The following DPP8 variants were observed in gnomAD, a reference collection of about 807,000 sequenced individuals.
DPP8 encodes dipeptidyl peptidase 8, also known as DPP VIII.
DPP8 carries 31 observed loss-of-function variants against 107.5 expected under a neutral mutation model. The observed-to-expected ratio is 0.29, with a 90% CI of 0.22 to 0.39. DPP8 has a LOEUF of 0.39. Among genes scored for constraint, DPP8 ranks in the 10% least tolerant of loss-of-function variants. The pLI is 1.00. For missense variants in DPP8, 842 were observed against 1,076.1 expected (o/e 0.78, Z 3.04); for synonymous variants, 381 against 356.6 (o/e 1.07, Z -0.77).
chr15:65,512,630 G>C lies in DPP8; in HGVS notation c.-11-66C>G, dbSNP rs531023095. 3 of 1,554,100 alleles carry C rather than the reference G, an allele frequency of 1.9e-6. No homozygotes were observed. In the African/African-American group the frequency reaches 4.1e-5, roughly 21 times the overall value. ...TTCTATTATCAGAATGATTCTCTGA[G>C]AGGGTCAAAAAAAAAGCGGGGGAGT... On this transcript the variant is annotated intron_variant, in intron 1 of 19. Transcript: ENST00000300141.
Position 65,478,967 on chromosome 15 carries a change from T to G in DPP8, c.1369A>C (p.Lys457Gln). 6.3e-7 allele frequency: 1 copy of G among 1,595,912 alleles called. No individual in the cohort carries two copies. The highest frequency in any genetic ancestry group is 2.3e-5 in the East Asian group (1 of 43,726). The stretch of plus-strand genomic sequence containing the variant: ...TTGTATAAATGACGGAAACCTGTTT[T>G]GCATTCAGAGGCAAAAATAAACTCA... ...EIEFIFASEC[K>Q]TGFRHLYKIT... Residue 457 changes from lysine to glutamine, a missense_variant, in exon 11 of 20, where the codon AAA (lysine) becomes CAA (glutamine). Coordinates refer to ENST00000300141, the MANE Select transcript of DPP8 (RefSeq NM_130434.5).
chr15:65,476,556 T>C (rs749898541), intron 11 of DPP8, among the ~76,000 whole-genome samples: 15 of 152,154 alleles, frequency 9.9e-5, no homozygotes, highest in Non-Finnish European at 2.1e-4. Context: ...GCACTGTTAG[T>C]GGGAATGTAA....
chr15:65,446,695 TGTGGGGTTAAGGTATTA>T lies in DPP8; in HGVS notation c.*172_*188del, dbSNP rs1373938428. The T allele has an allele frequency of 1.0e-5, 3 of 300,732 alleles. No homozygotes were observed. Among genetic ancestry groups the T allele is most frequent in the Non-Finnish European group, 1.8e-5 (3 of 166,498 alleles). The allele number at this position is 300,732 out of a possible 1,614,324, so 18.6% of individuals were successfully genotyped here. A position where few individuals can be genotyped will look rare whatever the true frequency, so the allele number is the denominator to read the frequency against. The stretch of plus-strand genomic sequence containing the variant: ...AATATGTATCATTTGATTTTGAGCA[TGTGGGGTTAAGGTATTA>T]GATTACTACCACAAACCGTAGACCC... On this transcript the variant is annotated 3_prime_UTR_variant, in exon 20 of 20. Coordinates refer to ENST00000300141, the MANE Select transcript of DPP8 (RefSeq NM_130434.5).
intron 4 of DPP8, among the ~76,000 whole-genome samples, chr15:65,499,032 T>C (rs1388846857): frequency 6.6e-6 from 1 of 150,736 alleles, no homozygotes; most frequent in Non-Finnish European, 1.5e-5. Flanking sequence ...CACTCCAGCC[T>C]GGATGACAGC....
At chr15:65,455,641 CA>C (rs1284516430) in intron 16 of DPP8, 1 of 1,175,486 alleles carries the variant, frequency 8.5e-7, no homozygotes, top group African/African-American at 1.6e-5. Flanking sequence ...AAAATAAAAA[CA>C]AAAAAACTTA....
At chr15:65,506,861 C>T (rs974006296) in intron 3 of DPP8, among the ~76,000 whole-genome samples, 12 of 151,516 alleles carry the variant, frequency 7.9e-5, no homozygotes, top group African/African-American at 2.9e-4. Flanking sequence ...TAAAACTGAA[C>T]TTTGTACCTT....
Position 65,485,122 on chromosome 15 carries a change from T to C in DPP8, c.994A>G (p.Ile332Val). Residue 332 changes from isoleucine to valine, a missense_variant, in exon 8 of 20, where the codon ATA becomes GTA. This residue lies in a region of DPP8 where 663 missense variants were observed against 758.0 expected (regional missense o/e 0.87). Transcript: ENST00000300141. ...ACCCTTCCTTCAGCATCAATCATTA[T>C]TTCTGACATCTTAAAAGTGACTTTA... is the stretch of plus-strand genomic sequence containing the variant. ...NPKVTFKMSE[I>V]MIDAEGRIID... 3 of 1,610,948 alleles carry C rather than the reference T, an allele frequency of 1.9e-6. No individual in the cohort carries two copies. Among genetic ancestry groups the C allele is most frequent in the Non-Finnish European group, 2.5e-6 (3 of 1,177,092 alleles).
intron 3 of DPP8, among the ~76,000 whole-genome samples, chr15:65,503,184 C>T (rs576735451): frequency 1.1e-4 from 16 of 152,132 alleles, no homozygotes; most frequent in African/African-American, 3.6e-4. Context: ...CTCGGCTCAC[C>T]GCAACCTCTG....
chr15:65,515,220 C>T (rs352471), intron 1 of DPP8, among the ~76,000 whole-genome samples: 1 of 152,156 alleles, frequency 6.6e-6, no homozygotes, highest in African/African-American at 2.4e-5. Context: ...TGAGTCACCG[C>T]GCCTGGCCAT....
At chr15:65,507,010 A>G (rs182120958) in intron 3 of DPP8, among the ~76,000 whole-genome samples, 16 of 152,278 alleles carry the variant, frequency 1.1e-4, no homozygotes, top group African/African-American at 3.8e-4. Context: ...TACAAAGTTT[A>G]TGAAGGGAAA....
chr15:65,489,072 T>C (rs986130301), intron 6 of DPP8, among the ~76,000 whole-genome samples: 7 of 152,196 alleles, frequency 4.6e-5, no homozygotes, highest in African/African-American at 1.7e-4. Flanking sequence ...TTGATTCTTC[T>C]GCCTCAGCCT....
intron 2 of DPP8, among the ~76,000 whole-genome samples, chr15:65,510,097 G>T (rs185089125): frequency 1.1e-3 from 173 of 152,096 alleles, no homozygotes; most frequent in African/African-American, 3.9e-3. Flanking sequence ...GCAGATTGCT[G>T]GAGCTCAGGA....
intron 1 of DPP8, chr15:65,515,990 G>A (rs2071398266): frequency 4.3e-6 from 2 of 470,184 alleles, no homozygotes; most frequent in South Asian, 5.0e-5. Flanking sequence ...TCAGAGATGT[G>A]TAGCCCAATA....
intron 8 of DPP8, among the ~76,000 whole-genome samples, chr15:65,482,794 T>C (rs1452792299): frequency 2.0e-5 from 3 of 152,160 alleles, no homozygotes; most frequent in South Asian, 2.1e-4. Context: ...CACAATGAGA[T>C]ACCACTTAAA....
At chr15:65,509,926 T>C (rs192894607) in intron 2 of DPP8, among the ~76,000 whole-genome samples, 29 of 151,726 alleles carry the variant, frequency 1.9e-4, no homozygotes, top group Admixed American at 1.7e-3. Context: ...GAGGCTGAGA[T>C]GGGAGGATGG....
intron 15 of DPP8, among the ~76,000 whole-genome samples, chr15:65,457,475 C>G (rs2064530949): frequency 6.6e-6 from 1 of 152,006 alleles, no homozygotes; most frequent in South Asian, 2.1e-4. Flanking sequence ...AGTGATCCTC[C>G]TGCCTCAGCC....
In DPP8 at chr15:65,442,659, C is replaced by A. The variant is rs541089501; in HGVS notation, c.*4225G>T. The A allele has an allele frequency of 1.3e-5, 2 of 152,132 alleles. No individual in the cohort carries two copies. The highest frequency in any genetic ancestry group is 2.4e-5 in the African/African-American group (1 of 41,424). 9.4% of individuals were successfully genotyped at this position (152,132 alleles called of 1,614,324 possible). ...GCACTTCATGTTCTAAAATTAAACA[C>A]CTGAATTCCAATTTTGCTGAATACA... On this transcript the variant is annotated 3_prime_UTR_variant, in exon 20 of 20. Transcript: ENST00000300141.
chr15:65,503,413 T>C (rs998618981), intron 3 of DPP8, among the ~76,000 whole-genome samples: 2 of 151,328 alleles, frequency 1.3e-5, no homozygotes, highest in Non-Finnish European at 3.0e-5. Context: ...GCCTGAAGTA[T>C]TTCTTTATTG....
At chr15:65,501,261 G>A (rs1238543519) in intron 3 of DPP8, among the ~76,000 whole-genome samples, 2 of 152,022 alleles carry the variant, frequency 1.3e-5, no homozygotes, top group Non-Finnish European at 2.9e-5. Context: ...GCAACTTTAA[G>A]CAGATTAATT....
Sources: allele counts gnomAD v4.1 joint callset (sites outside exome capture counted in the v4.1 genomes callset), GRCh38; gene constraint gnomAD v4.1.1; regional missense constraint gnomAD v4.1.1; transcripts MANE v1.5; gene names NCBI Gene and HGNC (gene_info 2026-07-23, HGNC 2026-07-21).